Variants in KLHL29 observed in about 807,000 individuals in gnomAD.
KLHL29 encodes kelch-like protein 29.
In KLHL29, 21 loss-of-function variants were observed where a neutral mutation model predicts 80.4. That is an observed-to-expected ratio of 0.26 (90% CI 0.19 to 0.38). The LOEUF (loss-of-function observed/expected upper bound fraction) is 0.38. KLHL29 is among the 10% of genes least tolerant of loss of function. The pLI is 1.00. For synonymous variants in KLHL29, 511 were observed against 526.8 expected (o/e 0.97, Z 0.41); for missense variants, 867 against 1,223.9 (o/e 0.71, Z 4.35).
intron 1 of KLHL29, among the ~76,000 whole-genome samples, chr2:23,458,466 C>G (rs531989719): frequency 2.0e-5 from 3 of 152,224 alleles, no homozygotes; most frequent in Non-Finnish European, 2.9e-5. Context: ...CACAGGCTAT[C>G]GCGTGCTGGC....
At chr2:23,485,402 C>G (rs1040623663) in intron 2 of KLHL29, among the ~76,000 whole-genome samples, 1 of 152,160 alleles carries the variant, frequency 6.6e-6, no homozygotes, top group Non-Finnish European at 1.5e-5. Flanking sequence ...CCAGCCACAC[C>G]CATCAAGGCA....
chr2:23,575,193 C>T (rs1667812953), intron 3 of KLHL29, among the ~76,000 whole-genome samples: 2 of 152,212 alleles, frequency 1.3e-5, no homozygotes, highest in Non-Finnish European at 1.5e-5. Flanking sequence ...TTGTGGTGGA[C>T]ACCAGAGCCG....
chr2:23,664,441 G>GTAAATTCTGAGT (rs1272608904), intron 5 of KLHL29, among the ~76,000 whole-genome samples: 1 of 152,216 alleles, frequency 6.6e-6, no homozygotes, highest in Non-Finnish European at 1.5e-5. Context: ...AGCTGTGGAT[G>GTAAATTCTGAGT]TAAATTCTGA....
At chr2:23,402,690 T>C (rs989515867) in intron 1 of KLHL29, among the ~76,000 whole-genome samples, 1 of 152,210 alleles carries the variant, frequency 6.6e-6, no homozygotes, top group African/African-American at 2.4e-5. Flanking sequence ...CTCCTTGCCT[T>C]TCTGCTGATG....
chr2:23,460,659 A>T (rs1182221016), intron 1 of KLHL29, among the ~76,000 whole-genome samples: 1 of 152,118 alleles, frequency 6.6e-6, no homozygotes, highest in African/African-American at 2.4e-5. Flanking sequence ...GGTGGAGGCC[A>T]CAGGTGTGGA....
chr2:23,620,132 G>C (rs1234442213), intron 3 of KLHL29, among the ~76,000 whole-genome samples: 1 of 152,198 alleles, frequency 6.6e-6, no homozygotes, highest in Non-Finnish European at 1.5e-5. Context: ...TGGACACACA[G>C]AGGCCAGGCT....
In KLHL29 at chr2:23,642,772, G is replaced by A. The variant is rs776374748; in HGVS notation, c.862G>A (p.Asp288Asn). The change falls in exon 5 of 14, where the codon GAC (aspartate) becomes AAC (asparagine). Residue 288 changes from aspartate (D) to asparagine (N), a missense_variant. By Grantham distance (23) the Asp-to-Asn change is conservative. This residue lies in a region of KLHL29 where 424 missense variants were observed against 456.9 expected (regional missense o/e 0.93). Transcript: ENST00000486442. ...APATNGPPTTDSAHGLQMLRT... is the reference protein window; with the variant it reads ...APATNGPPTTNSAHGLQMLRT... ...TGCCACCAATGGGCCCCCCACAACCGACTCGGCCCACGGGCTGCAGATGCT... is the reference window on the plus strand; with the variant it reads ...TGCCACCAATGGGCCCCCCACAACCAACTCGGCCCACGGGCTGCAGATGCT... The A allele has an allele frequency of 5.2e-5, 81 of 1,550,282 alleles. No homozygotes were observed. The highest frequency in any genetic ancestry group is 1.2e-4 in the South Asian group (10 of 84,062).
chr2:23,602,881 G>A (rs1275127435), intron 3 of KLHL29, among the ~76,000 whole-genome samples: 2 of 152,204 alleles, frequency 1.3e-5, no homozygotes, highest in African/African-American at 4.8e-5. Context: ...TTGGCTCAGT[G>A]AGATCAGGAA....
chr2:23,415,643 T>C (rs926331265), intron 1 of KLHL29, among the ~76,000 whole-genome samples: 1 of 152,150 alleles, frequency 6.6e-6, no homozygotes, highest in Non-Finnish European at 1.5e-5. Flanking sequence ...TGTTTTGTTG[T>C]TGTTGTTTTT....
At chr2:23,438,026 A>G (rs1663396734) in intron 1 of KLHL29, among the ~76,000 whole-genome samples, 1 of 151,834 alleles carries the variant, frequency 6.6e-6, no homozygotes, top group South Asian at 2.1e-4. Flanking sequence ...GGTCCTTCAC[A>G]TCCCTTGTAA....
chr2:23,408,633 G>A (rs1355942195), intron 1 of KLHL29, among the ~76,000 whole-genome samples: 2 of 152,168 alleles, frequency 1.3e-5, no homozygotes, highest in Non-Finnish European at 2.9e-5. Flanking sequence ...CATTGATTTT[G>A]TATCTTGCTG....
rs938936957 is a variant in KLHL29, at chr2:23,700,365, A to C, written c.2106-2821A>C. Among the ~76,000 whole-genome samples the C allele has an allele frequency of 6.6e-6, 1 of 152,230 alleles. No individual in the cohort carries two copies. The highest frequency in any genetic ancestry group is 2.4e-5 in the African/African-American group (1 of 41,470). On this transcript the variant is annotated intron_variant, in intron 11 of 13. Coordinates refer to ENST00000486442, the MANE Select transcript of KLHL29 (RefSeq NM_052920.2). This position sits in a 1 kb window ranked among gnomAD's most constrained non-coding sequence, Gnocchi z 4.6. Reference sequence around the variant, plus strand: ...TTAAAAACAAAGGTAATCCATACTCAAAATTCATCACTTCCTAATTTTTTA... The same window carrying C: ...TTAAAAACAAAGGTAATCCATACTCCAAATTCATCACTTCCTAATTTTTTA...
At chr2:23,641,943 C>G (rs1484717946) in intron 4 of KLHL29, among the ~76,000 whole-genome samples, 3 of 152,136 alleles carry the variant, frequency 2.0e-5, no homozygotes, top group African/African-American at 7.2e-5. Flanking sequence ...GAGATCGCGC[C>G]ACTACACTCC....
chr2:23,448,611 C>G (rs1663778283), intron 1 of KLHL29, among the ~76,000 whole-genome samples: 1 of 152,184 alleles, frequency 6.6e-6, no homozygotes, highest in Non-Finnish European at 1.5e-5. Context: ...CTTCCACAGT[C>G]AGGAAAGTTG....
At chr2:23,653,061 G>A (rs897284759) in intron 5 of KLHL29, among the ~76,000 whole-genome samples, 11 of 152,162 alleles carry the variant, frequency 7.2e-5, no homozygotes, top group Middle Eastern at 3.4e-3. Context: ...GCAACTCACC[G>A]CCTTCCTCTC....
chr2:23,628,037 C>G (rs1053489806), intron 3 of KLHL29, among the ~76,000 whole-genome samples: 1 of 151,588 alleles, frequency 6.6e-6, no homozygotes, highest in Non-Finnish European at 1.5e-5. Flanking sequence ...CTCAGCCTCC[C>G]GAGTAGCTGG....
chr2:23,405,050 A>G (rs529654170), intron 1 of KLHL29, among the ~76,000 whole-genome samples: 1 of 152,354 alleles, frequency 6.6e-6, no homozygotes, highest in African/African-American at 2.4e-5. Context: ...GACTTGGCAT[A>G]AAAAAGGAGA....
At chr2:23,602,366 C>T (rs1668594105) in intron 3 of KLHL29, among the ~76,000 whole-genome samples, 1 of 152,216 alleles carries the variant, frequency 6.6e-6, no homozygotes, top group Non-Finnish European at 1.5e-5. Flanking sequence ...CTGGCTGCGG[C>T]TCCTGCACAG....
intron 5 of KLHL29, chr2:23,670,311 A>T (rs1670675493): frequency 2.6e-5 from 4 of 152,398 alleles, no homozygotes; most frequent in Admixed American, 2.6e-4. Context: ...GGGTGTCAGT[A>T]CAGCCCACCT....
Sources: allele counts gnomAD v4.1 joint callset (sites outside exome capture counted in the v4.1 genomes callset), GRCh38; gene constraint gnomAD v4.1.1; regional missense constraint gnomAD v4.1.1; non-coding constraint Gnocchi (gnomAD v3.1); transcripts MANE v1.5; gene names NCBI Gene and HGNC (gene_info 2026-07-23, HGNC 2026-07-21).